The following DENND5A variants were observed in gnomAD, a reference collection of about 807,000 sequenced individuals.
DENND5A encodes DENN domain-containing protein 5A.
A neutral mutation model predicts 140.3 loss-of-function variants in DENND5A; 64 were observed. The ratio of observed to expected loss-of-function variants is 0.46; its 90% CI spans 0.37 to 0.56. The LOEUF (loss-of-function observed/expected upper bound fraction) is 0.56. DENND5A is among the 20% of genes least tolerant of loss of function. The probability of loss-of-function intolerance (pLI) is 0.00; values close to 1 mark genes in which losing one functional copy is unlikely to be tolerated. For missense variants in DENND5A, 1,292 were observed against 1,593.8 expected, an observed-to-expected ratio of 0.81 and a Z score of 3.22; for synonymous variants, 605 against 607.7, an observed-to-expected ratio of 1.00 and a Z score of 0.07.
intron 4 of DENND5A, among the ~76,000 whole-genome samples, chr11:9,202,901 C>G (rs990821471): frequency 1.3e-5 from 2 of 152,204 alleles, no homozygotes; most frequent in Non-Finnish European, 2.9e-5. Context: ...AATACTATCC[C>G]TTTCCCTGTT....
At chr11:9,198,623 A>T (rs1849415508) in intron 4 of DENND5A, among the ~76,000 whole-genome samples, 1 of 152,102 alleles carries the variant, frequency 6.6e-6, no homozygotes, top group Non-Finnish European at 1.5e-5. Context: ...AAAAAAAAGA[A>T]AAAAGAAAAG....
At chr11:9,203,433 T>C in intron 4 of DENND5A, 1 of 482,562 alleles carries the variant, frequency 2.1e-6, no homozygotes, top group Non-Finnish European at 3.7e-6. Context: ...GGAAGCAATG[T>C]TCCCCTCCAA....
chr11:9,196,294 G>C (rs1245569052), intron 4 of DENND5A, among the ~76,000 whole-genome samples: 2 of 151,954 alleles, frequency 1.3e-5, no homozygotes, highest in Non-Finnish European at 2.9e-5. Context: ...CATCAGACTT[G>C]GAATCACTCT....
chr11:9,256,877 T>C (rs1291556661), intron 1 of DENND5A, among the ~76,000 whole-genome samples: 1 of 152,234 alleles, frequency 6.6e-6, no homozygotes, highest in African/African-American at 2.4e-5. Context: ...ATAAGTGAAC[T>C]GTATGGTATA....
intron 22 of DENND5A, chr11:9,140,319 A>G: frequency 1.2e-6 from 1 of 806,778 alleles, no homozygotes; most frequent in South Asian, 1.4e-5. Context: ...ATGGAAGTTA[A>G]GTAGCTTGTC....
At chr11:9,248,081 C>G (rs1851556039) in intron 1 of DENND5A, among the ~76,000 whole-genome samples, 2 of 152,070 alleles carry the variant, frequency 1.3e-5, no homozygotes, top group African/African-American at 4.8e-5. Flanking sequence ...CTCCCAGGCT[C>G]AAGCAATCCT....
rs761045893 is a variant in DENND5A at position 9,144,216 on chromosome 11, A to G, written c.3185T>C (p.Val1062Ala). The change falls in exon 19 of 23, where the codon GTT becomes GCT. Residue 1062 changes from valine (V) to alanine (A), a missense_variant. Physicochemically the swap from Val to Ala is moderately conservative, Grantham distance 64 (BLOSUM62 0). Around this residue, in one of 4 missense-constraint regions of DENND5A, gnomAD observed 498 missense variants for 689.7 expected, o/e 0.72. Transcript: ENST00000328194. ...MDDGSLERIL[V>A]GELLTSQPEV... ...AGGCTGGGATGTGAGCAGCTCCCCA[A>G]CTAGGATCCGCTCCAGGCTTCCATC... 6 of 1,614,056 alleles carry G rather than the reference A, an allele frequency of 3.7e-6. No individual in the cohort carries two copies. Among genetic ancestry groups the G allele is most frequent in the African/African-American group, 2.7e-5 (2 of 74,930 alleles).
chr11:9,154,360 T>C (rs1847734105), intron 12 of DENND5A, among the ~76,000 whole-genome samples: 1 of 152,184 alleles, frequency 6.6e-6, no homozygotes, highest in South Asian at 2.1e-4. Flanking sequence ...TCTTAATAAC[T>C]ATGCTACACG....
At chr11:9,258,930 C>T (rs949779741) in intron 1 of DENND5A, among the ~76,000 whole-genome samples, 1 of 152,098 alleles carries the variant, frequency 6.6e-6, no homozygotes, top group African/African-American at 2.4e-5. Context: ...AGACAGTCAC[C>T]TTTTTCTCTT....
chr11:9,170,977 T>G (rs1564894477), intron 8 of DENND5A, 200 bp from the exon 9 acceptor site: 2 of 908,334 alleles, frequency 2.2e-6, no homozygotes, highest in Non-Finnish European at 3.2e-6. Flanking sequence ...ATACTGGACA[T>G]CAGGCAATGA....
chr11:9,159,321 C>CTT (rs59379591), intron 12 of DENND5A, among the ~76,000 whole-genome samples: 34 of 136,834 alleles, frequency 2.5e-4, no homozygotes, highest in South Asian at 7.0e-4. Context: ...ACTTTTTTTT[C>CTT]TTTTTTTTTT....
At chr11:9,226,802 T>C (rs1416526654) in intron 1 of DENND5A, among the ~76,000 whole-genome samples, 3 of 152,158 alleles carry the variant, frequency 2.0e-5, no homozygotes, top group African/African-American at 7.2e-5. Context: ...TATTACTGAA[T>C]GTGCAAGACT....
chr11:9,145,242 G>A, intron 17 of DENND5A, 129 bp from the exon 18 acceptor site: 1 of 712,482 alleles, frequency 1.4e-6, no homozygotes, highest in Admixed American at 2.1e-5. Context: ...AGAGGTCATG[G>A]CTCTACATAC....
chr11:9,229,361 A>G (rs574279556), intron 1 of DENND5A, among the ~76,000 whole-genome samples: 2 of 151,966 alleles, frequency 1.3e-5, no homozygotes, highest in East Asian at 3.9e-4. Flanking sequence ...AAAAAATGAT[A>G]CCCCTAAGTA....
At chr11:9,143,518 T>A (rs747869857) in intron 19 of DENND5A, 33 bp from the exon 20 acceptor site, 1 of 1,556,234 alleles carries the variant, frequency 6.4e-7, no homozygotes, top group Non-Finnish European at 8.9e-7. Context: ...CCCTAACCAA[T>A]CTCTGAGGCT....
intron 5 of DENND5A, among the ~76,000 whole-genome samples, chr11:9,192,074 C>A (rs1354487946): frequency 3.3e-5 from 5 of 151,194 alleles, no homozygotes; most frequent in Admixed American, 2.0e-4. Flanking sequence ...TCTATAAAGT[C>A]AAAGAAGAAA....
intron 12 of DENND5A, among the ~76,000 whole-genome samples, chr11:9,155,621 AT>A (rs1387604848): frequency 6.6e-6 from 1 of 152,250 alleles, no homozygotes; most frequent in African/African-American, 2.4e-5. Flanking sequence ...CTGACTATCC[AT>A]TTATGGACAT....
In DENND5A at chr11:9,142,845, G is replaced by T; in HGVS notation, c.3388C>A (p.Arg1130=). 1.2e-6 allele frequency: 2 copies of T among 1,613,926 alleles called. No homozygotes were observed. Among genetic ancestry groups the T allele is most frequent in the Non-Finnish European group, 1.7e-6 (2 of 1,179,892 alleles). The change falls in exon 21 of 23, where the codon CGA becomes AGA. Residue 1130 remains arginine (R), a splice_region_variant and synonymous_variant. Coordinates refer to ENST00000328194, the MANE Select transcript of DENND5A (RefSeq NM_015213.4). ...CAGAGCAACAGCGTCAGACTGCCTCGCTACGTAAGGAAACAGGGGAGGGTG... is the reference window on the plus strand; with the variant it reads ...CAGAGCAACAGCGTCAGACTGCCTCTCTACGTAAGGAAACAGGGGAGGGTG... ...VKHFHKPEKE[R]GSLTLLLCGE...
intron 1 of DENND5A, among the ~76,000 whole-genome samples, chr11:9,218,963 G>A (rs1370490773): frequency 6.6e-6 from 1 of 151,920 alleles, no homozygotes. Flanking sequence ...CCAAGATCGC[G>A]CCACTGCACT....
Sources: gnomAD v4.1 joint callset for allele counts (sites outside exome capture counted in the v4.1 genomes callset) on GRCh38, gnomAD v4.1.1 for gene constraint, gnomAD v4.1.1 regional missense constraint, MANE v1.5 for transcripts, NCBI Gene and HGNC (gene_info 2026-07-23, HGNC 2026-07-21) for gene names.